The following OSGIN2 variants were observed in gnomAD, a reference collection of about 807,000 sequenced individuals.
The protein encoded by OSGIN2 is oxidative stress-induced growth inhibitor 2.
OSGIN2 carries 19 observed loss-of-function variants against 53.8 expected under a neutral mutation model. The ratio of observed to expected loss-of-function variants is 0.35; its 90% CI spans 0.25 to 0.52. The LOEUF (loss-of-function observed/expected upper bound fraction) is 0.52, where lower values mean the gene tolerates loss of function less well. Ranked by LOEUF, OSGIN2 falls within the 20% of genes least tolerant of loss-of-function variation. The probability of loss-of-function intolerance (pLI) is 0.95; values close to 1 mark genes in which losing one functional copy is unlikely to be tolerated. For missense variants in OSGIN2, 520 were observed against 662.7 expected, an observed-to-expected ratio of 0.78 and a Z score of 2.36; for synonymous variants, 236 against 236.0, an observed-to-expected ratio of 1.00 and a Z score of 0.00.
intron 2 of OSGIN2, among the ~76,000 whole-genome samples, chr8:89,910,982 C>T (rs1748307257): frequency 6.6e-6 from 1 of 152,170 alleles, no homozygotes; most frequent in Non-Finnish European, 1.5e-5. Flanking sequence ...TGGCTTTAAA[C>T]AATGTGAATG....
intron 4 of OSGIN2, among the ~76,000 whole-genome samples, chr8:89,918,202 G>A (rs528891799): frequency 6.6e-6 from 1 of 152,248 alleles, no homozygotes; most frequent in South Asian, 2.1e-4. Context: ...GCTTTTGACA[G>A]TGTTCATATC....
intron 4 of OSGIN2, among the ~76,000 whole-genome samples, chr8:89,918,864 G>A (rs1809137547): frequency 6.6e-6 from 1 of 151,772 alleles, no homozygotes; most frequent in Non-Finnish European, 1.5e-5. Flanking sequence ...TGATATTTTG[G>A]GTCCATCTAC....
At chr8:89,917,770 A>G (rs944286789) in intron 4 of OSGIN2, among the ~76,000 whole-genome samples, 4 of 152,094 alleles carry the variant, frequency 2.6e-5, no homozygotes, top group African/African-American at 4.8e-5. Flanking sequence ...ACATTGATGC[A>G]AATTCTTTTT....
At chr8:89,918,951 CT>C (rs1389828302) in intron 4 of OSGIN2, among the ~76,000 whole-genome samples, 10 of 152,222 alleles carry the variant, frequency 6.6e-5, no homozygotes. Context: ...GGTTTTCTTA[CT>C]CATTGTCTCT....
chr8:89,916,235 ATC>A lies in OSGIN2; in HGVS notation c.528+1491_528+1492del, dbSNP rs1809076383. On this transcript the variant is annotated intron_variant, in intron 4 of 5. Transcript: ENST00000451899. The stretch of plus-strand genomic sequence containing the variant: ...TGATGAGTTGTGCAGGCGATAATTG[ATC>A]TGTTTCATTTCTTTCACTTATGTAT... 3.4e-5 allele frequency among the ~76,000 whole-genome samples: 5 copies of A among 145,736 alleles called. No individual in the cohort carries two copies. The South Asian group carries it at 1.1e-3, about 33-fold the overall frequency.
At position 89,925,424 on chromosome 8, in the gene OSGIN2, T is replaced by A; in HGVS notation, c.1542T>A (p.Phe514Leu). Reference sequence around the variant, plus strand: ...TGGGTCCTTTGGTTGGAGACAATTTTGTTCGATTTTTAAAGGGAGGGGCGC... The same window carrying A: ...TGGGTCCTTTGGTTGGAGACAATTTAGTTCGATTTTTAAAGGGAGGGGCGC... ...FALGPLVGDN[F>L]VRFLKGGALG... The change falls in exon 6 of 6, where the codon TTT becomes TTA. Residue 514 changes from phenylalanine (F) to leucine (L), a missense_variant. By Grantham distance (22) the Phe-to-Leu change is conservative (BLOSUM62 0). Coordinates refer to ENST00000451899, the MANE Select transcript of OSGIN2 (RefSeq NM_001126111.3). 6.2e-7 allele frequency: 1 copy of A among 1,614,174 alleles called. No individual in the cohort carries two copies. Among genetic ancestry groups the A allele is most frequent in the Non-Finnish European group, 8.5e-7 (1 of 1,180,014 alleles).
rs186289238 is a variant in OSGIN2, at chr8:89,908,974, A to G, written c.45-593A>G. Among the ~76,000 whole-genome samples, 604 of 132,232 alleles carry G rather than the reference A, an allele frequency of 4.6e-3. 4 individuals carry two copies. Among genetic ancestry groups the G allele is most frequent in the African/African-American group, 0.016 (569 of 34,610 alleles). The allele number at this position is 132,232 out of a possible 152,430, so 86.7% of individuals were successfully genotyped here. ...TGCAGTGAGCCATGCTTGCGCCATT[A>G]TACTCCAGCCTGGGTGACAGAGCAA... On this transcript the variant is annotated intron_variant, in intron 1 of 5. Coordinates refer to ENST00000451899, the MANE Select transcript of OSGIN2 (RefSeq NM_001126111.3).
intron 3 of OSGIN2, 72 bp downstream of exon 3, chr8:89,914,285 C>CT: frequency 8.8e-7 from 1 of 1,141,392 alleles, no homozygotes; most frequent in East Asian, 2.5e-5. Context: ...TTTATATGAA[C>CT]TTTCTTAGTT....
chr8:89,917,174 C>T (rs142222550), intron 4 of OSGIN2, among the ~76,000 whole-genome samples: 3 of 152,320 alleles, frequency 2.0e-5, no homozygotes, highest in Admixed American at 6.5e-5. Context: ...TTGGTCTCCT[C>T]ATTCTTGATG....
intron 5 of OSGIN2, among the ~76,000 whole-genome samples, chr8:89,922,103 T>C (rs2130712637): frequency 6.6e-6 from 1 of 152,298 alleles, no homozygotes; most frequent in Non-Finnish European, 1.5e-5. Flanking sequence ...GGATAGTAAA[T>C]ATTAGATAAG....
rs1809275553 is a variant in OSGIN2, at chr8:89,924,596, G to A, written c.714G>A (p.Glu238=). 1 of 1,613,442 alleles carries A rather than the reference G, an allele frequency of 6.2e-7. No homozygotes were observed. The highest frequency in any genetic ancestry group is 2.2e-5 in the East Asian group (1 of 44,872). The part of the protein sequence containing the change: ...KVMGLQKNFR[E]NTYITSVSRL... Reference sequence around the variant, plus strand: ...TGGGTCTTCAGAAGAATTTCAGAGAGAATACTTACATAACTTCCGTATCAA... The same window carrying A: ...TGGGTCTTCAGAAGAATTTCAGAGAAAATACTTACATAACTTCCGTATCAA... The change falls in exon 6 of 6, where the codon GAG becomes GAA. Residue 238 remains glutamate (E), a synonymous_variant. Coordinates refer to ENST00000451899, the MANE Select transcript of OSGIN2 (RefSeq NM_001126111.3).
chr8:89,906,444 G>A (rs149081116), intron 1 of OSGIN2, among the ~76,000 whole-genome samples: 152,302 of 152,304 alleles, frequency 1, 76,150 homozygotes, highest in Middle Eastern at 1. Context: ...CTTCATCCTC[G>A]GGTGGGCCCC....
chr8:89,911,451 G>GA (rs1808964387), intron 2 of OSGIN2, among the ~76,000 whole-genome samples: 1 of 151,974 alleles, frequency 6.6e-6, no homozygotes, highest in South Asian at 2.1e-4. Context: ...CCAACATGGT[G>GA]AAACCCCGTC....
intron 5 of OSGIN2, among the ~76,000 whole-genome samples, chr8:89,921,933 C>T (rs1463684661): frequency 2.6e-5 from 4 of 151,810 alleles, no homozygotes; most frequent in Non-Finnish European, 4.4e-5. Flanking sequence ...GAGCCGAAAT[C>T]GCGCCACTGG....
intron 4 of OSGIN2, among the ~76,000 whole-genome samples, chr8:89,916,939 G>A (rs1034544409): frequency 2.6e-5 from 4 of 152,116 alleles, no homozygotes; most frequent in African/African-American, 9.7e-5. Context: ...AAAAAGCCCT[G>A]TTCCATTGAA....
At chr8:89,916,806 C>G (rs1365541765) in intron 4 of OSGIN2, among the ~76,000 whole-genome samples, 1 of 152,176 alleles carries the variant, frequency 6.6e-6, no homozygotes, top group African/African-American at 2.4e-5. Context: ...CTTACTCTTT[C>G]CTAAAGATAC....
chr8:89,905,837 G>A (rs948226744), intron 1 of OSGIN2, among the ~76,000 whole-genome samples: 3 of 152,136 alleles, frequency 2.0e-5, no homozygotes, highest in Admixed American at 6.5e-5. Flanking sequence ...TAAATTCAAC[G>A]GTGTTGCAGG....
intron 1 of OSGIN2, among the ~76,000 whole-genome samples, chr8:89,906,573 C>T (rs1404313772): frequency 1.3e-5 from 2 of 151,742 alleles, no homozygotes; most frequent in East Asian, 1.9e-4. Flanking sequence ...GGATAAGGGC[C>T]TCCAGCTCCA....
At chr8:89,920,425 G>T (rs1380833345) in intron 4 of OSGIN2, among the ~76,000 whole-genome samples, 1 of 152,184 alleles carries the variant, frequency 6.6e-6, no homozygotes, top group Non-Finnish European at 1.5e-5. Context: ...AGGTATAACA[G>T]GTACTTGGCC....
Sources: gnomAD v4.1 joint callset for allele counts (sites outside exome capture counted in the v4.1 genomes callset) on GRCh38, gnomAD v4.1.1 for gene constraint, MANE v1.5 for transcripts, NCBI Gene and HGNC (gene_info 2026-07-23, HGNC 2026-07-21) for gene names.